The following CDKAL1 variants were observed in gnomAD, a reference collection of about 807,000 sequenced individuals.
CDKAL1 encodes the protein threonylcarbamoyladenosine tRNA methylthiotransferase.
A neutral mutation model predicts 68.2 loss-of-function variants in CDKAL1; 32 were observed. That is an observed-to-expected ratio of 0.47 (90% CI 0.35 to 0.63). CDKAL1 has a LOEUF of 0.63. CDKAL1 is among the 30% of genes least tolerant of loss of function. CDKAL1 has a pLI of 0.00. For synonymous variants in CDKAL1, 234 were observed against 244.3 expected (o/e 0.96, Z 0.39); for missense variants, 606 against 696.7 (o/e 0.87, Z 1.47).
At chr6:21,070,105 AC>A (rs1213572964) in intron 12 of CDKAL1, among the ~76,000 whole-genome samples, 1 of 147,708 alleles carries the variant, frequency 6.8e-6, no homozygotes, top group Admixed American at 6.8e-5. Flanking sequence ...CATCCTCCTC[AC>A]CCCCAGGTTA....
At chr6:21,217,737 A>G (rs1480121800) in intron 15 of CDKAL1, among the ~76,000 whole-genome samples, 2 of 152,154 alleles carry the variant, frequency 1.3e-5, no homozygotes, top group African/African-American at 4.8e-5. Context: ...ACCTCAAGTG[A>G]TCCACCCGCC....
chr6:20,629,282 C>CT (rs939477033), intron 4 of CDKAL1, among the ~76,000 whole-genome samples: 7 of 152,074 alleles, frequency 4.6e-5, no homozygotes, highest in Non-Finnish European at 8.8e-5. Context: ...AGAAATGATG[C>CT]TTTTTTTCTC....
At chr6:20,643,751 G>A (rs1246079230) in intron 4 of CDKAL1, among the ~76,000 whole-genome samples, 1 of 152,152 alleles carries the variant, frequency 6.6e-6, no homozygotes, top group African/African-American at 2.4e-5. Context: ...TTATCTTTTT[G>A]TTAACAATAT....
intron 9 of CDKAL1, among the ~76,000 whole-genome samples, chr6:20,851,215 A>G (rs1758993039): frequency 6.6e-6 from 1 of 152,146 alleles, no homozygotes; most frequent in Non-Finnish European, 1.5e-5. Context: ...CAGGTTTTAA[A>G]AATTCCTAGG....
intron 5 of CDKAL1, among the ~76,000 whole-genome samples, chr6:20,700,077 A>G (rs999966257): frequency 4.0e-5 from 6 of 151,424 alleles, no homozygotes; most frequent in Non-Finnish European, 7.4e-5. Context: ...TTAACACCTC[A>G]TGAGTAATTC....
At chr6:21,210,053 G>A (rs574569078) in intron 15 of CDKAL1, among the ~76,000 whole-genome samples, 1 of 148,016 alleles carries the variant, frequency 6.8e-6, no homozygotes, top group South Asian at 2.1e-4. Flanking sequence ...GTTTATACGT[G>A]TTGTAATAGT....
intron 8 of CDKAL1, among the ~76,000 whole-genome samples, chr6:20,811,394 C>A (rs985724103): frequency 6.6e-6 from 1 of 152,134 alleles, no homozygotes; most frequent in Non-Finnish European, 1.5e-5. Flanking sequence ...TCAGCCCTGG[C>A]GAATGTTAAC....
intron 6 of CDKAL1, among the ~76,000 whole-genome samples, chr6:20,752,499 A>G (rs1773969156): frequency 6.6e-6 from 1 of 152,172 alleles, no homozygotes; most frequent in East Asian, 1.9e-4. Flanking sequence ...ACATGTACAC[A>G]CACACACAGA....
At chr6:21,110,432 A>G (rs1774065420) in intron 13 of CDKAL1, among the ~76,000 whole-genome samples, 3 of 152,126 alleles carry the variant, frequency 2.0e-5, no homozygotes, top group Admixed American at 2.0e-4. Context: ...TCCCCGCATG[A>G]ATTAATAGAG....
chr6:20,705,029 A>T (rs1419055625), intron 5 of CDKAL1, among the ~76,000 whole-genome samples: 1 of 152,372 alleles, frequency 6.6e-6, no homozygotes, highest in Middle Eastern at 3.4e-3. Context: ...AGGGGAGAAT[A>T]GAAGTAGAAT....
At chr6:21,154,577 T>C in intron 13 of CDKAL1, among the ~76,000 whole-genome samples, 1 of 152,242 alleles carries the variant, frequency 6.6e-6, no homozygotes, top group East Asian at 1.9e-4. Context: ...TCTTTTGATA[T>C]AATGTTAAAT....
At chr6:20,848,917 G>A (rs966419471) in intron 9 of CDKAL1, among the ~76,000 whole-genome samples, 7 of 151,594 alleles carry the variant, frequency 4.6e-5, no homozygotes, top group East Asian at 1.9e-4. Context: ...CTCAGCCTCC[G>A]CAGTAGTGGC....
At chr6:20,892,851 G>A (rs1237489366) in intron 9 of CDKAL1, among the ~76,000 whole-genome samples, 1 of 152,182 alleles carries the variant, frequency 6.6e-6, no homozygotes, top group East Asian at 1.9e-4. Context: ...AATAGAATCT[G>A]ATCAGATTGG....
chr6:21,027,249 A>C (rs1024263006), intron 11 of CDKAL1, among the ~76,000 whole-genome samples: 1 of 152,088 alleles, frequency 6.6e-6, no homozygotes. Context: ...CATATTAGCC[A>C]TATCAAATCT....
At chr6:20,618,022 A>G (rs1196491868) in intron 4 of CDKAL1, among the ~76,000 whole-genome samples, 2 of 152,152 alleles carry the variant, frequency 1.3e-5, no homozygotes, top group Admixed American at 1.3e-4. Context: ...GAACTAGTTT[A>G]TACTCCCACC....
chr6:21,197,936 A>C (rs1582400883), intron 13 of CDKAL1, 85 bp from the exon 14 acceptor site: 2 of 754,646 alleles, frequency 2.7e-6, no homozygotes, highest in Non-Finnish European at 4.3e-6. Context: ...GTCCAGACCT[A>C]CCTGGGCTAG....
chr6:21,175,791 G>T (rs748031689), intron 13 of CDKAL1, among the ~76,000 whole-genome samples: 20 of 152,202 alleles, frequency 1.3e-4, no homozygotes, highest in Non-Finnish European at 2.8e-4. Context: ...TTTAGCAAAG[G>T]TCTTCTAATA....
At chr6:21,014,561 A>G (rs1768206944) in intron 11 of CDKAL1, among the ~76,000 whole-genome samples, 1 of 152,094 alleles carries the variant, frequency 6.6e-6, no homozygotes, top group Non-Finnish European at 1.5e-5. Flanking sequence ...CAATGAGCCA[A>G]GATCACGCCA....
chr6:20,858,441 C>G (rs1251945585), intron 9 of CDKAL1, among the ~76,000 whole-genome samples: 1 of 152,044 alleles, frequency 6.6e-6, no homozygotes, highest in Non-Finnish European at 1.5e-5. Context: ...CTTCCTTATC[C>G]ATGTCTTAAT....
Sources: allele counts gnomAD v4.1 joint callset (sites outside exome capture counted in the v4.1 genomes callset), GRCh38; gene constraint gnomAD v4.1.1; transcripts MANE v1.5; gene names NCBI Gene and HGNC (gene_info 2026-07-23, HGNC 2026-07-21).